Variants in APP observed in about 807,000 individuals in gnomAD.
APP encodes amyloid beta precursor protein, also known as amyloid-beta precursor protein.
A neutral mutation model predicts 101.4 loss-of-function variants in APP; 31 were observed. The ratio of observed to expected loss-of-function variants is 0.31; its 90% confidence interval spans 0.23 to 0.41. APP has a LOEUF of 0.41. APP is among the 10% of genes least tolerant of loss of function. APP has a pLI of 1.00. For synonymous variants in APP, 366 were observed against 364.4 expected, an observed-to-expected ratio of 1.00 and a Z score of -0.05; for missense variants, 839 against 1,003.7, an observed-to-expected ratio of 0.84 and a Z score of 2.22.
At chr21:26,061,744 CT>C (rs1251116892) in intron 3 of APP, among the ~76,000 whole-genome samples, 10 of 152,158 alleles carry the variant, frequency 6.6e-5, no homozygotes, top group Non-Finnish European at 1.5e-4. Context: ...AGATGGGATT[CT>C]TCAGATGAGA....
intron 4 of APP, among the ~76,000 whole-genome samples, chr21:26,052,391 T>C (rs1293410777): frequency 6.6e-6 from 1 of 152,166 alleles, no homozygotes; most frequent in East Asian, 1.9e-4. Context: ...GGGATCAAAA[T>C]TGACTCAAGT....
intron 5 of APP, among the ~76,000 whole-genome samples, chr21:26,033,935 T>G (rs1316862637): frequency 6.6e-6 from 1 of 152,154 alleles, no homozygotes; most frequent in Non-Finnish European, 1.5e-5. Context: ...GGTTCAGCTT[T>G]GATCATGGTA....
intron 11 of APP, 89 bp downstream of exon 11, chr21:25,974,981 T>G: frequency 1.9e-6 from 3 of 1,567,774 alleles, no homozygotes; most frequent in Non-Finnish European, 2.6e-6. Context: ...TTCTCCTCAT[T>G]CTTTTTGTAT....
At position 26,001,297 on chromosome 21, in the gene APP, G is replaced by A. The variant is rs868469689; in HGVS notation, c.866-1115C>T. On this transcript the variant is annotated intron_variant, in intron 6 of 17. Transcript: ENST00000346798. ...GCATGTATAAAGTCAATCCTGAGTA[G>A]AATTATAACTCTACCTCCCATGTAT... Among the ~76,000 whole-genome samples the A allele has an allele frequency of 5.3e-5, 8 of 152,258 alleles. No individual in the cohort carries two copies. The Middle Eastern group carries it at 0.014, about 259-fold the overall frequency.
intron 5 of APP, among the ~76,000 whole-genome samples, chr21:26,041,973 C>G (rs1028953195): frequency 6.6e-6 from 1 of 152,074 alleles, no homozygotes; most frequent in Non-Finnish European, 1.5e-5. Context: ...CTCACACAGT[C>G]CTGGAAGCTG....
intron 7 of APP, among the ~76,000 whole-genome samples, chr21:25,998,302 C>T (rs1391893395): frequency 1.3e-5 from 2 of 151,342 alleles, no homozygotes; most frequent in Admixed American, 6.6e-5. Context: ...CCATTGTGTT[C>T]GCAATACCTG....
intron 8 of APP, among the ~76,000 whole-genome samples, chr21:25,984,306 C>G (rs2042555990): frequency 6.6e-6 from 1 of 151,800 alleles, no homozygotes; most frequent in Non-Finnish European, 1.5e-5. Context: ...TACAAACTAA[C>G]AAAAAATAAA....
chr21:26,044,547 T>G (rs2045521440), intron 5 of APP, among the ~76,000 whole-genome samples: 1 of 152,216 alleles, frequency 6.6e-6, no homozygotes, highest in East Asian at 1.9e-4. Flanking sequence ...TCTTTCTTTC[T>G]TTCTTTTTTG....
At chr21:26,096,113 C>G (rs559795643) in intron 2 of APP, among the ~76,000 whole-genome samples, 1 of 152,300 alleles carries the variant, frequency 6.6e-6, no homozygotes, top group South Asian at 2.1e-4. Context: ...CCTAAGATCC[C>G]TTAGACTACA....
intron 1 of APP, among the ~76,000 whole-genome samples, chr21:26,133,083 C>G (rs2062827225): frequency 6.6e-6 from 1 of 151,744 alleles, no homozygotes; most frequent in South Asian, 2.1e-4. Context: ...AAAAAAGATA[C>G]AAAAATTAGC....
intron 1 of APP, among the ~76,000 whole-genome samples, chr21:26,117,270 C>T (rs760791303): frequency 2.8e-4 from 42 of 152,364 alleles, no homozygotes; most frequent in South Asian, 1.4e-3. Flanking sequence ...AACTATACCC[C>T]ACAAGAGTGC....
chr21:26,042,850 A>G (rs1173118407), intron 5 of APP, among the ~76,000 whole-genome samples: 1 of 152,148 alleles, frequency 6.6e-6, no homozygotes, highest in East Asian at 1.9e-4. Context: ...CAGGAGTTCA[A>G]GGTTACACTG....
At chr21:26,080,569 C>A (rs1005503487) in intron 3 of APP, among the ~76,000 whole-genome samples, 1 of 151,626 alleles carries the variant, frequency 6.6e-6, no homozygotes, top group Non-Finnish European at 1.5e-5. Flanking sequence ...GAGTTCAAGA[C>A]CAGACTGGCC....
At chr21:26,010,146 G>A (rs1287627181) in intron 6 of APP, among the ~76,000 whole-genome samples, 1 of 150,596 alleles carries the variant, frequency 6.6e-6, no homozygotes, top group Non-Finnish European at 1.5e-5. Flanking sequence ...TCTGGTTACA[G>A]CACAGATGCT....
At chr21:26,124,951 A>C (rs1042737230) in intron 1 of APP, among the ~76,000 whole-genome samples, 2 of 152,254 alleles carry the variant, frequency 1.3e-5, no homozygotes, top group Non-Finnish European at 2.9e-5. Flanking sequence ...TGGAGACACA[A>C]ATAAGGCCAA....
chr21:26,123,859 C>T (rs376162767), intron 1 of APP, among the ~76,000 whole-genome samples: 5 of 152,134 alleles, frequency 3.3e-5, no homozygotes, highest in South Asian at 2.1e-4. Flanking sequence ...AATATGCAGA[C>T]GCCAATATTA....
In APP at chr21:25,955,726, C is replaced by A. The variant is rs781627408; in HGVS notation, c.1488G>T (p.Lys496Asn). Residue 496 changes from lysine (K) to asparagine (N), a missense_variant, in exon 12 of 18, where the codon AAG becomes AAT. Lys to Asn is a moderately conservative substitution (Grantham distance 94). Transcript: ENST00000346798. ...TGTCCTTCTGTTCTGCGCGGACATA[C>A]TTCTTTAGCATATTGAACACGTGAC... ...RPRHVFNMLK[K>N]YVRAEQKDRQ... The A allele has an allele frequency of 6.2e-7, 1 of 1,614,166 alleles. No homozygotes were observed. The highest frequency in any genetic ancestry group is 8.5e-7 in the Non-Finnish European group (1 of 1,180,026).
chr21:25,959,175 C>T (rs879456341), intron 11 of APP, among the ~76,000 whole-genome samples: 1 of 152,272 alleles, frequency 6.6e-6, no homozygotes, highest in Admixed American at 6.5e-5. Context: ...TGGCTCACGC[C>T]TGTAATCCCA....
chr21:26,108,627 C>T (rs1339573896), intron 2 of APP, among the ~76,000 whole-genome samples: 2 of 152,212 alleles, frequency 1.3e-5, no homozygotes, highest in African/African-American at 4.8e-5. Context: ...GTGGCTCACG[C>T]CTGTAATCCC....
Sources: allele counts gnomAD v4.1 joint callset (sites outside exome capture counted in the v4.1 genomes callset), GRCh38; gene constraint gnomAD v4.1.1; transcripts MANE v1.5; gene names NCBI Gene and HGNC (gene_info 2026-07-23, HGNC 2026-07-21).